SHANK2: variants seen among roughly 807,000 people sequenced by gnomAD.
SHANK2 encodes SH3 and multiple ankyrin repeat domains 2.
In SHANK2, 43 loss-of-function variants were observed where a neutral mutation model predicts 133.7. That is an observed-to-expected ratio of 0.32 (90% CI 0.25 to 0.41). The LOEUF (loss-of-function observed/expected upper bound fraction) is 0.41. SHANK2 is among the 10% of genes least tolerant of loss of function. SHANK2 has a pLI of 1.00. For missense variants in SHANK2, 1,994 were observed against 2,235.8 expected (o/e 0.89, Z 2.18); for synonymous variants, 1,017 against 952.8 (o/e 1.07, Z -1.24).
chr11:70,703,673 C>T (rs1945593304), intron 14 of SHANK2, among the ~76,000 whole-genome samples: 1 of 152,220 alleles, frequency 6.6e-6, no homozygotes, highest in African/African-American at 2.4e-5. Context: ...TCAGGGGCCA[C>T]ACCAGCCTCC....
chr11:70,860,285 T>C (rs1949238017), intron 11 of SHANK2, among the ~76,000 whole-genome samples: 1 of 152,206 alleles, frequency 6.6e-6, no homozygotes. Flanking sequence ...AGCTCTGTAC[T>C]TGGCACCCCC....
intron 17 of SHANK2, among the ~76,000 whole-genome samples, chr11:70,582,701 C>A (rs1284966922): frequency 6.6e-6 from 1 of 152,154 alleles, no homozygotes; most frequent in Non-Finnish European, 1.5e-5. Context: ...GGGCCTTATC[C>A]CAGAGATGAC....
chr11:70,801,973 C>T (rs781931984), intron 13 of SHANK2, among the ~76,000 whole-genome samples: 3 of 152,082 alleles, frequency 2.0e-5, no homozygotes, highest in South Asian at 2.1e-4. Context: ...CCAGCCAAAC[C>T]GAGGGGCAGG....
At chr11:70,671,344 T>C (rs1555016009) in intron 15 of SHANK2, among the ~76,000 whole-genome samples, 1 of 151,952 alleles carries the variant, frequency 6.6e-6, no homozygotes, top group African/African-American at 2.4e-5. Flanking sequence ...AACCCCAGCT[T>C]CCCCAAACCA....
intron 9 of SHANK2, among the ~76,000 whole-genome samples, chr11:71,069,843 C>A (rs1398389938): frequency 6.6e-6 from 1 of 152,202 alleles, no homozygotes; most frequent in Admixed American, 6.5e-5. Context: ...TCTGTCCCAT[C>A]CCTGAACAGT....
chr11:70,534,563 G>A (rs972312526), intron 17 of SHANK2, among the ~76,000 whole-genome samples: 1 of 152,226 alleles, frequency 6.6e-6, no homozygotes, highest in South Asian at 2.1e-4. Context: ...GCCCAGGGCA[G>A]GACACAGGGC....
In SHANK2 at chr11:70,805,448, C is replaced by T. The variant is rs146117952; in HGVS notation, c.1663+1554G>A. ...CCTAGAACGGGGTTGCTAACAAGGC[C>T]GGCATCGGCCCTGATCCCTGCACAG... On this transcript the variant is annotated intron_variant, in intron 13 of 25. Coordinates refer to ENST00000601538, the MANE Select transcript of SHANK2 (RefSeq NM_012309.5). Among the ~76,000 whole-genome samples, 502 of 152,322 alleles carry T rather than the reference C, an allele frequency of 3.3e-3. 2 individuals carry two copies. Among genetic ancestry groups the T allele is most frequent in the Admixed American group, 5.0e-3 (77 of 15,310 alleles).
intron 17 of SHANK2, among the ~76,000 whole-genome samples, chr11:70,543,324 G>C (rs1015246047): frequency 2.6e-5 from 4 of 152,172 alleles, no homozygotes; most frequent in Admixed American, 6.5e-5. Context: ...GGGGTCCCTA[G>C]ATAGCTTCAG....
chr11:70,824,263 G>A (rs542752402), intron 11 of SHANK2, among the ~76,000 whole-genome samples: 3 of 152,200 alleles, frequency 2.0e-5, no homozygotes, highest in East Asian at 3.9e-4. Context: ...TGCGCAAAGC[G>A]TCCTGAGGTT....
chr11:70,901,955 C>A (rs35961474), intron 10 of SHANK2, among the ~76,000 whole-genome samples: 1 of 152,142 alleles, frequency 6.6e-6, no homozygotes, highest in Non-Finnish European at 1.5e-5. Flanking sequence ...CTGGCTTCTG[C>A]GGCTAGGAGG....
intron 2 of SHANK2, among the ~76,000 whole-genome samples, chr11:71,178,977 C>T (rs782525275): frequency 1.3e-5 from 2 of 149,568 alleles, no homozygotes; most frequent in Non-Finnish European, 2.9e-5. Flanking sequence ...AATGAGACTT[C>T]GTCTGAAGTG....
At chr11:70,756,960 C>T (rs1946889629) in intron 14 of SHANK2, among the ~76,000 whole-genome samples, 1 of 152,186 alleles carries the variant, frequency 6.6e-6, no homozygotes, top group Non-Finnish European at 1.5e-5. Context: ...TCCACTTCCC[C>T]AGGTCCTTGC....
At chr11:70,484,973 G>A (rs1167210991) in intron 25 of SHANK2, among the ~76,000 whole-genome samples, 1 of 152,122 alleles carries the variant, frequency 6.6e-6, no homozygotes, top group East Asian at 1.9e-4. Context: ...GGCTCTAAAC[G>A]GCCTTCTAGG....
intron 17 of SHANK2, among the ~76,000 whole-genome samples, chr11:70,507,593 A>C (rs2059151756): frequency 6.6e-6 from 1 of 152,146 alleles, no homozygotes; most frequent in Non-Finnish European, 1.5e-5. Context: ...GCGCTGGGGC[A>C]GAGGCAGGTG....
intron 13 of SHANK2, among the ~76,000 whole-genome samples, chr11:70,799,820 A>C (rs1438193454): frequency 6.6e-6 from 1 of 152,164 alleles, no homozygotes; most frequent in Non-Finnish European, 1.5e-5. Context: ...GTAGGCCCTC[A>C]ATGAACATCC....
chr11:70,732,229 A>G (rs1555032427), intron 14 of SHANK2, among the ~76,000 whole-genome samples: 1 of 152,132 alleles, frequency 6.6e-6, no homozygotes, highest in African/African-American at 2.4e-5. Flanking sequence ...CCAGTTGCTG[A>G]AGCCGCAAGC....
chr11:70,862,820 G>A (rs1416251438), intron 11 of SHANK2: 1 of 276,126 alleles, frequency 3.6e-6, no homozygotes, highest in Non-Finnish European at 7.1e-6. Context: ...CCCCACGGGA[G>A]TAGTCAACTG....
chr11:70,473,594 A>C lies in SHANK2; in HGVS notation c.4980-155T>G. ...CAGTGAACGAATGATTTGCCATGCCAGGGTGGGGGAGGGGGAGAAAGGGGC... is the reference window on the plus strand; with the variant it reads ...CAGTGAACGAATGATTTGCCATGCCCGGGTGGGGGAGGGGGAGAAAGGGGC... On this transcript the variant is annotated intron_variant, in intron 25 of 25. Transcript: ENST00000601538. The surrounding 1 kb of genome is among the most constrained non-coding windows in gnomAD (Gnocchi z 5.9). The C allele has an allele frequency of 2.1e-6, 1 of 476,624 alleles. No homozygotes were observed. Among genetic ancestry groups the C allele is most frequent in the Non-Finnish European group, 4.1e-6 (1 of 246,850 alleles). The allele number at this position is 476,624 out of a possible 1,614,324, so 29.5% of individuals were successfully genotyped here.
intron 14 of SHANK2, among the ~76,000 whole-genome samples, chr11:70,786,279 C>G (rs782426628): frequency 6.6e-6 from 1 of 152,146 alleles, no homozygotes; most frequent in African/African-American, 2.4e-5. Context: ...GGGGGTAGGA[C>G]AGTCTATTAG....
Sources: allele counts gnomAD v4.1 joint callset (sites outside exome capture counted in the v4.1 genomes callset), GRCh38; gene constraint gnomAD v4.1.1; non-coding constraint Gnocchi (gnomAD v3.1); transcripts MANE v1.5; gene names NCBI Gene and HGNC (gene_info 2026-07-23, HGNC 2026-07-21).